Variants in SEMA3A observed in about 807,000 individuals in gnomAD.
SEMA3A encodes semaphorin 3A.
Under a neutral mutation model 97.9 loss-of-function variants are expected in SEMA3A, and 29 were observed. The observed-to-expected ratio is 0.30, with a 90% CI of 0.22 to 0.40. The LOEUF (loss-of-function observed/expected upper bound fraction) is 0.40, where lower values mean the gene tolerates loss of function less well. Ranked by LOEUF, SEMA3A falls within the 10% of genes least tolerant of loss-of-function variation. The pLI, the probability that SEMA3A is intolerant of heterozygous loss-of-function variation, is 1.00. For synonymous variants in SEMA3A, 321 were observed against 323.7 expected (o/e 0.99, Z 0.09); for missense variants, 763 against 951.3 (o/e 0.80, Z 2.60).
At chr7:84,312,883 T>C (rs1238188850) in intron 2 of SEMA3A, among the ~76,000 whole-genome samples, 13 of 33,818 alleles carry the variant, frequency 3.8e-4, no homozygotes, top group South Asian at 1.2e-3. Context: ...TATATATATA[T>C]ATATATATAT....
At chr7:84,335,356 T>C (rs1802010417) in intron 2 of SEMA3A, among the ~76,000 whole-genome samples, 1 of 152,152 alleles carries the variant, frequency 6.6e-6, no homozygotes, top group South Asian at 2.1e-4. Flanking sequence ...ATTTTGAGTA[T>C]GAAGGGTTAT....
At chr7:84,314,978 G>A (rs1190752953) in intron 2 of SEMA3A, among the ~76,000 whole-genome samples, 6 of 152,118 alleles carry the variant, frequency 3.9e-5, no homozygotes, top group African/African-American at 1.4e-4. Context: ...ATAAAATCAT[G>A]AAGAATAAAT....
intron 1 of SEMA3A, among the ~76,000 whole-genome samples, chr7:84,413,565 C>G (rs1351201307): frequency 1.3e-5 from 2 of 152,052 alleles, no homozygotes; most frequent in African/African-American, 4.8e-5. Flanking sequence ...GAAATCGAGG[C>G]TGTGGTGAGC....
At chr7:84,144,710 TGA>T (rs917371780) in intron 1 of SEMA3A, among the ~76,000 whole-genome samples, 1 of 152,144 alleles carries the variant, frequency 6.6e-6, no homozygotes, top group Non-Finnish European at 1.5e-5. Flanking sequence ...GTCTTTCAAA[TGA>T]GAGAGGCATC....
chr7:83,968,132 AAACTC>A (rs1241665832), intron 15 of SEMA3A, among the ~76,000 whole-genome samples: 1 of 152,216 alleles, frequency 6.6e-6, no homozygotes. Context: ...ATATAAACAA[AAACTC>A]AACTAAGGAA....
intron 2 of SEMA3A, among the ~76,000 whole-genome samples, chr7:84,324,574 A>G (rs1167062621): frequency 6.6e-6 from 1 of 152,190 alleles, no homozygotes; most frequent in East Asian, 1.9e-4. Context: ...GTAATTATAT[A>G]TACATTGGCA....
At chr7:84,166,881 CAAAA>C (rs11476617) in intron 1 of SEMA3A, among the ~76,000 whole-genome samples, 6 of 85,508 alleles carry the variant, frequency 7.0e-5, no homozygotes, top group Admixed American at 1.2e-4. Context: ...TCCTCTGTCT[CAAAA>C]AAAAAAAAAA....
At chr7:84,473,438 A>C (rs2116415287) in intron 1 of SEMA3A, among the ~76,000 whole-genome samples, 1 of 151,126 alleles carries the variant, frequency 6.6e-6, no homozygotes, top group East Asian at 1.9e-4. Context: ...TCTGTTGCCC[A>C]GGCTGGAGTG....
chr7:84,270,420 C>T (rs917493108), intron 3 of SEMA3A, among the ~76,000 whole-genome samples: 1 of 151,650 alleles, frequency 6.6e-6, no homozygotes, highest in African/African-American at 2.4e-5. Flanking sequence ...AAATCCATCT[C>T]CTTAGTTACT....
chr7:84,199,742 A>G (rs533540917), upstream of SEMA3A, among the ~76,000 whole-genome samples: 9 of 152,206 alleles, frequency 5.9e-5, no homozygotes, highest in South Asian at 1.9e-3. Flanking sequence ...TTTTCTAAAA[A>G]AGAATTCTGT....
At chr7:84,055,150 T>C (rs1225286984) in intron 5 of SEMA3A, among the ~76,000 whole-genome samples, 3 of 151,758 alleles carry the variant, frequency 2.0e-5, no homozygotes, top group Non-Finnish European at 4.4e-5. Context: ...GTTACTGCTG[T>C]CTTTTTGTTT....
intron 1 of SEMA3A, among the ~76,000 whole-genome samples, chr7:84,430,449 T>C (rs577827419): frequency 6.2e-4 from 95 of 152,072 alleles, no homozygotes; most frequent in African/African-American, 2.2e-3. Context: ...ACAAACATGG[T>C]TGTTAAAGAA....
intron 3 of SEMA3A, among the ~76,000 whole-genome samples, chr7:84,222,021 C>T (rs1317606126): frequency 6.6e-6 from 1 of 151,876 alleles, no homozygotes; most frequent in Non-Finnish European, 1.5e-5. Flanking sequence ...ATACCTAATC[C>T]TCTGTCATAT....
chr7:84,225,371 A>C (rs1393305059), intron 3 of SEMA3A, among the ~76,000 whole-genome samples: 1 of 152,112 alleles, frequency 6.6e-6, no homozygotes, highest in Non-Finnish European at 1.5e-5. Flanking sequence ...GACACATCCA[A>C]AGTTGTGGTA....
intron 1 of SEMA3A, among the ~76,000 whole-genome samples, chr7:84,384,559 G>A (rs1233550074): frequency 6.6e-6 from 1 of 152,070 alleles, no homozygotes; most frequent in African/African-American, 2.4e-5. Flanking sequence ...ATTCCTACAA[G>A]TGCACTGTAC....
chr7:84,312,903 TATATATATATATATATATAC>T lies in SEMA3A; in HGVS notation c.-168-5631_-168-5612del, dbSNP rs1297684486. The stretch of plus-strand genomic sequence containing the variant: ...ATATATATATATATATATATATATA[TATATATATATATATATATAC>T]ACACACACACACACACACACGTACA... On this transcript the variant is annotated intron_variant, in intron 2 of 3. Coordinates refer to the SEMA3A transcript ENST00000424555. Among the ~76,000 whole-genome samples, 83 of 63,344 alleles carry T rather than the reference TATATATATATATATATATAC, an allele frequency of 1.3e-3. 3 individuals are homozygous for T. The highest frequency in any genetic ancestry group is 4.4e-3 in the East Asian group (9 of 2,036). 41.6% of individuals were successfully genotyped at this position (63,344 alleles called of 152,430 possible).
At chr7:84,195,023 AAAG>A (rs1798179603), upstream of SEMA3A, 23 of 109,504 alleles carry the variant, frequency 2.1e-4, no homozygotes, top group Admixed American at 8.6e-4. Context: ...AGAGAGAGAG[AAAG>A]AGAGAGAGAG....
At chr7:84,341,443 T>C (rs1463592865) in intron 2 of SEMA3A, among the ~76,000 whole-genome samples, 1 of 152,106 alleles carries the variant, frequency 6.6e-6, no homozygotes, top group Non-Finnish European at 1.5e-5. Flanking sequence ...AATTTTTTTC[T>C]AAATTAAAAA....
At chr7:84,149,897 T>C (rs1178734924) in intron 1 of SEMA3A, among the ~76,000 whole-genome samples, 1 of 152,192 alleles carries the variant, frequency 6.6e-6, no homozygotes, top group Non-Finnish European at 1.5e-5. Flanking sequence ...TTATTGCTAT[T>C]AAATTTTAAT....
Sources: allele counts gnomAD v4.1 joint callset (sites outside exome capture counted in the v4.1 genomes callset), GRCh38; gene constraint gnomAD v4.1.1; transcripts MANE v1.5; gene names NCBI Gene and HGNC (gene_info 2026-07-23, HGNC 2026-07-21).